The following FBXO10 variants were observed in gnomAD, a reference collection of about 807,000 sequenced individuals.
FBXO10 encodes F-box only protein 10.
FBXO10 carries 39 observed loss-of-function variants against 80.7 expected under a neutral mutation model. The ratio of observed to expected loss-of-function variants is 0.48; its 90% CI spans 0.37 to 0.63. The LOEUF (loss-of-function observed/expected upper bound fraction) is 0.63. Among genes scored for constraint, FBXO10 ranks in the 30% least tolerant of loss-of-function variants. FBXO10 has a pLI of 0.00. For synonymous variants in FBXO10, 449 were observed against 489.6 expected, an observed-to-expected ratio of 0.92 and a Z score of 1.09; for missense variants, 1,025 against 1,269.0, an observed-to-expected ratio of 0.81 and a Z score of 2.92.
intron 2 of FBXO10, among the ~76,000 whole-genome samples, chr9:37,538,962 T>C (rs1821850707): frequency 6.6e-6 from 1 of 152,170 alleles, no homozygotes; most frequent in African/African-American, 2.4e-5. Flanking sequence ...TCCTGCCTAA[T>C]TCATTTGGGC....
chr9:37,510,981 A>T lies in FBXO10; in HGVS notation c.*1566T>A, dbSNP rs1462769034. ...AAAAGTCATTTCTTAGAAAATAGTA[A>T]CGGCAGCATTTTTTACAGCGACTCA... On this transcript the variant is annotated 3_prime_UTR_variant, in exon 11 of 11. Coordinates refer to ENST00000432825, the MANE Select transcript of FBXO10 (RefSeq NM_012166.3). The T allele has an allele frequency of 6.6e-6, 1 of 152,654 alleles. No individual in the cohort carries two copies. The highest frequency in any genetic ancestry group is 1.5e-5 in the Non-Finnish European group (1 of 68,050). 9.5% of individuals were successfully genotyped at this position (152,654 alleles called of 1,614,324 possible).
chr9:37,521,876 T>A, intron 7 of FBXO10, 38 bp from the exon 8 acceptor site: 1 of 1,524,074 alleles, frequency 6.6e-7, no homozygotes, highest in Non-Finnish European at 8.8e-7. Context: ...GACACTGAAC[T>A]CAGGTGAAGC....
chr9:37,521,124 G>A (rs1312267422), intron 8 of FBXO10, among the ~76,000 whole-genome samples: 1 of 152,208 alleles, frequency 6.6e-6, no homozygotes, highest in Non-Finnish European at 1.5e-5. Flanking sequence ...CAAGTTTAAT[G>A]AATAAATACA....
At chr9:37,563,332 C>T (rs1359638041) in intron 1 of FBXO10, among the ~76,000 whole-genome samples, 2 of 152,144 alleles carry the variant, frequency 1.3e-5, no homozygotes, top group African/African-American at 4.8e-5. Flanking sequence ...TAAATTGGTA[C>T]TACAGAGAGT....
intron 5 of FBXO10, among the ~76,000 whole-genome samples, chr9:37,526,218 T>C (rs899570639): frequency 6.6e-6 from 1 of 152,140 alleles, no homozygotes; most frequent in Non-Finnish European, 1.5e-5. Flanking sequence ...CCTGTGCTTC[T>C]CTGCATCCAA....
chr9:37,575,977 A>G (rs1399323216), intron 1 of FBXO10, among the ~76,000 whole-genome samples: 1 of 152,230 alleles, frequency 6.6e-6, no homozygotes, highest in Non-Finnish European at 1.5e-5. Flanking sequence ...ACCAAGGCAT[A>G]GCTCTCCGTC....
In FBXO10 at chr9:37,515,937, A is replaced by T. The variant is rs370633059; in HGVS notation, c.2663T>A (p.Met888Lys). The change falls in exon 10 of 11, where the codon ATG (methionine) becomes AAG (lysine). Residue 888 changes from methionine (M) to lysine (K), a missense_variant. By Grantham distance (95) the Met-to-Lys change is moderately conservative. Around this residue, in one of 3 missense-constraint regions of FBXO10, gnomAD observed 97 missense variants for 101.8 expected, o/e 0.95. Coordinates refer to ENST00000432825, the MANE Select transcript of FBXO10 (RefSeq NM_012166.3). ...QQISNNRECI[M>K]QNNKFLVFKK... is the part of the protein sequence containing the mutation. ...GAAGACCAGGAACTTGTTGTTTTGC[A>T]TGATGCATTCTCGGTTGTTTGAGAT... is the stretch of plus-strand genomic sequence containing the variant. 16 of 1,613,806 alleles carry T rather than the reference A, an allele frequency of 9.9e-6. No individual in the cohort carries two copies. Among genetic ancestry groups the T allele is most frequent in the Non-Finnish European group, 1.2e-5 (14 of 1,179,816 alleles).
intron 1 of FBXO10, among the ~76,000 whole-genome samples, chr9:37,542,742 T>C (rs968113128): frequency 6.6e-6 from 1 of 152,168 alleles, no homozygotes; most frequent in Non-Finnish European, 1.5e-5. Flanking sequence ...TGTATCCTGA[T>C]AGTACTGATT....
intron 1 of FBXO10, among the ~76,000 whole-genome samples, chr9:37,551,337 G>T (rs555858048): frequency 1.4e-4 from 21 of 152,328 alleles, no homozygotes; most frequent in Admixed American, 1.3e-3. Context: ...TGTGCTGGTG[G>T]CTCTACAGGT....
chr9:37,518,528 C>T, intron 8 of FBXO10, 90 bp from the exon 9 acceptor site: 2 of 1,124,734 alleles, frequency 1.8e-6, no homozygotes, highest in Non-Finnish European at 2.5e-6. Flanking sequence ...ATTGTGCACT[C>T]CGGGAGAACG....
At chr9:37,558,314 AGTC>A (rs1303076977) in intron 1 of FBXO10, among the ~76,000 whole-genome samples, 8 of 152,262 alleles carry the variant, frequency 5.3e-5, no homozygotes, top group Non-Finnish European at 1.2e-4. Flanking sequence ...TGGTATTCCA[AGTC>A]TCAGGAGGGA....
intron 7 of FBXO10, chr9:37,522,365 T>C: frequency 1.0e-6 from 1 of 1,001,054 alleles, no homozygotes. Flanking sequence ...GTCATCTTTA[T>C]TATTATCACT....
chr9:37,568,338 C>T (rs1398615296), intron 1 of FBXO10, among the ~76,000 whole-genome samples: 1 of 151,990 alleles, frequency 6.6e-6, no homozygotes, highest in Non-Finnish European at 1.5e-5. Context: ...GCTGGGATTA[C>T]AGCCGCCTGC....
At chr9:37,513,680 C>T (rs1821116427) in intron 10 of FBXO10, among the ~76,000 whole-genome samples, 1 of 152,104 alleles carries the variant, frequency 6.6e-6, no homozygotes, top group African/African-American at 2.4e-5. Context: ...ACCTCTTCCT[C>T]CCAGGTTCGA....
intron 3 of FBXO10, among the ~76,000 whole-genome samples, chr9:37,533,363 C>T (rs12001352): frequency 0.56 from 83,001 of 147,606 alleles, 23,837 homozygotes; most frequent in Middle Eastern, 0.74. Flanking sequence ...CTGGCCAACA[C>T]GGTGAAGCCT....
intron 1 of FBXO10, among the ~76,000 whole-genome samples, chr9:37,565,495 C>T (rs1295321615): frequency 6.6e-6 from 1 of 152,182 alleles, no homozygotes; most frequent in Non-Finnish European, 1.5e-5. Context: ...TCTCTTCAAG[C>T]CTTACAACTC....
chr9:37,547,816 G>A (rs1269761040), intron 1 of FBXO10, among the ~76,000 whole-genome samples: 1 of 152,082 alleles, frequency 6.6e-6, no homozygotes, highest in Non-Finnish European at 1.5e-5. Flanking sequence ...AATGTTGCCA[G>A]GCATGGTGGT....
intron 1 of FBXO10, among the ~76,000 whole-genome samples, chr9:37,567,238 G>C (rs1441404654): frequency 6.6e-6 from 1 of 151,416 alleles, no homozygotes; most frequent in Non-Finnish European, 1.5e-5. Flanking sequence ...AATCTCCTGG[G>C]CTCAAGTGAT....
In FBXO10 at chr9:37,512,346, CCCTT is replaced by C; in HGVS notation, c.*197_*200del. The C allele has an allele frequency of 2.0e-6, 1 of 500,102 alleles. No individual in the cohort carries two copies. Among genetic ancestry groups the C allele is most frequent in the Non-Finnish European group, 3.5e-6 (1 of 287,138 alleles). 31.0% of individuals were successfully genotyped at this position (500,102 alleles called of 1,614,324 possible). A position where few individuals can be genotyped will look rare whatever the true frequency, so the allele number is the denominator to read the frequency against. On this transcript the variant is annotated 3_prime_UTR_variant, in exon 11 of 11. Coordinates refer to ENST00000432825, the MANE Select transcript of FBXO10 (RefSeq NM_012166.3). ...TGACTGGAAACCCACCAGCTTCTATCCCTTCTCCCTGAAAAACATTGCCCACTTT... is the reference window on the plus strand; with the variant it reads ...TGACTGGAAACCCACCAGCTTCTATCCTCCCTGAAAAACATTGCCCACTTT...
Sources: gnomAD v4.1 joint callset for allele counts (sites outside exome capture counted in the v4.1 genomes callset) on GRCh38, gnomAD v4.1.1 for gene constraint, gnomAD v4.1.1 regional missense constraint, MANE v1.5 for transcripts, NCBI Gene and HGNC (gene_info 2026-07-23, HGNC 2026-07-21) for gene names.